Variants in WWTR1 observed in about 807,000 individuals in gnomAD.
WWTR1 encodes WW domain-containing transcription regulator protein 1.
Under a neutral mutation model 40.1 loss-of-function variants are expected in WWTR1, and 13 were observed. That is an observed-to-expected ratio of 0.32 (90% confidence interval 0.21 to 0.52). The LOEUF (loss-of-function observed/expected upper bound fraction) is 0.52. WWTR1 is among the 20% of genes least tolerant of loss of function. WWTR1 has a pLI of 0.97. For synonymous variants in WWTR1, 230 were observed against 210.1 expected (o/e 1.09, Z -0.82); for missense variants, 436 against 523.1 (o/e 0.83, Z 1.63).
chr3:149,656,899 G>A lies in WWTR1; in HGVS notation c.408C>T (p.Ala136=), dbSNP rs983567409. ...ACTTGAGGAAGTACCTCTGGCCAGT[G>A]GCCGTGAAGGTCATCTCCCAGCCCG... The part of the protein sequence containing the change: ...LPPGWEMTFT[A]TGQRYFLNHI... The change falls in exon 2 of 7, where the codon GCC becomes GCT. Residue 136 remains alanine (A), a synonymous_variant. Coordinates refer to ENST00000360632, the MANE Select transcript of WWTR1 (RefSeq NM_015472.6). 9 of 1,537,114 alleles carry A rather than the reference G, an allele frequency of 5.9e-6. No individual in the cohort carries two copies. The Admixed American group carries it at 1.4e-4, about 25-fold the overall frequency.
At chr3:149,537,127 G>T (rs1230427423) in intron 4 of WWTR1, among the ~76,000 whole-genome samples, 1 of 152,102 alleles carries the variant, frequency 6.6e-6, no homozygotes, top group Admixed American at 6.5e-5. Context: ...TGCCTTTTAG[G>T]ATACTGAGCA....
Position 149,544,562 on chromosome 3 carries a change from C to A in WWTR1, c.569-2025G>T, listed in dbSNP as rs74823408. 2.0e-4 allele frequency among the ~76,000 whole-genome samples: 31 copies of A among 152,184 alleles called. No homozygotes were observed. The East Asian group carries it at 5.0e-3, about 25-fold the overall frequency. ...AACCTGGGAGATTATCTAGTCCATC[C>A]CCTTATTTTATGGAATAGGGACTGT... is the stretch of plus-strand genomic sequence containing the variant. On this transcript the variant is annotated intron_variant, in intron 3 of 6. Coordinates refer to ENST00000360632, the MANE Select transcript of WWTR1 (RefSeq NM_015472.6).
intron 2 of WWTR1, among the ~76,000 whole-genome samples, chr3:149,641,366 T>C (rs1712159677): frequency 6.6e-6 from 1 of 152,168 alleles, no homozygotes; most frequent in Non-Finnish European, 1.5e-5. Context: ...TCGAGAACTC[T>C]TAAAACTTAA....
intron 2 of WWTR1, among the ~76,000 whole-genome samples, chr3:149,648,630 A>C (rs775151692): frequency 2.2e-4 from 34 of 152,290 alleles, no homozygotes; most frequent in Non-Finnish European, 4.6e-4. Flanking sequence ...GCAGGGAAAT[A>C]ATGTTCCAGG....
intron 3 of WWTR1, among the ~76,000 whole-genome samples, chr3:149,566,277 A>G (rs1334953262): frequency 6.6e-6 from 1 of 152,112 alleles, no homozygotes; most frequent in East Asian, 1.9e-4. Flanking sequence ...TCCTGTGCCC[A>G]CCAGTGTTCC....
intron 4 of WWTR1, 126 bp downstream of exon 4, chr3:149,542,209 G>A (rs1203578075): frequency 1.8e-6 from 2 of 1,090,618 alleles, no homozygotes; most frequent in Non-Finnish European, 2.6e-6. Context: ...GAGGCTTGGA[G>A]TAGGGCTTTG....
At chr3:149,558,566 C>T (rs924769716) in intron 3 of WWTR1, among the ~76,000 whole-genome samples, 2 of 152,224 alleles carry the variant, frequency 1.3e-5, no homozygotes, top group African/African-American at 4.8e-5. Flanking sequence ...ACACTACCTT[C>T]ATCAAGTGAT....
intron 2 of WWTR1, among the ~76,000 whole-genome samples, chr3:149,620,564 T>TCCC (rs58236998): frequency 0.013 from 1,950 of 148,564 alleles, 53 homozygotes; most frequent in African/African-American, 0.046. Context: ...CCTCCACCGC[T>TCCC]CCCCCCCACA....
At chr3:149,667,082 C>T (rs1028014653) in intron 2 of WWTR1, among the ~76,000 whole-genome samples, 2 of 152,066 alleles carry the variant, frequency 1.3e-5, no homozygotes, top group African/African-American at 2.4e-5. Context: ...TTCAATCAAA[C>T]CCTGATTATT....
At chr3:149,712,883 ATAT>A (rs1174214122) in intron 5 of WWTR1, among the ~76,000 whole-genome samples, 1 of 152,222 alleles carries the variant, frequency 6.6e-6, no homozygotes, top group Non-Finnish European at 1.5e-5. Context: ...CAAGATATAG[ATAT>A]TATTATTATG....
chr3:149,673,736 C>T (rs919900476), intron 1 of WWTR1, among the ~76,000 whole-genome samples: 1 of 152,194 alleles, frequency 6.6e-6, no homozygotes, highest in Non-Finnish European at 1.5e-5. Context: ...GGGTCTCTCT[C>T]TCCAGAGTTA....
chr3:149,566,716 C>T (rs565859312), intron 3 of WWTR1, among the ~76,000 whole-genome samples: 49 of 151,920 alleles, frequency 3.2e-4, no homozygotes, highest in African/African-American at 9.9e-4. Context: ...AATGCTAAGC[C>T]TCTTTGTATA....
chr3:149,588,346 T>A (rs766358499), intron 2 of WWTR1, among the ~76,000 whole-genome samples: 23 of 152,320 alleles, frequency 1.5e-4, no homozygotes, highest in South Asian at 4.1e-4. Context: ...AGTTCCTTAA[T>A]TCAGATTTCC....
intron 2 of WWTR1, among the ~76,000 whole-genome samples, chr3:149,649,501 A>G (rs1479887677): frequency 6.6e-6 from 1 of 152,234 alleles, no homozygotes; most frequent in Admixed American, 6.5e-5. Flanking sequence ...TCCTAATAGC[A>G]CTGAGCAAGT....
chr3:149,678,880 T>C (rs1045540091), intron 1 of WWTR1, among the ~76,000 whole-genome samples: 1 of 150,288 alleles, frequency 6.7e-6, no homozygotes, highest in Non-Finnish European at 1.5e-5. Context: ...TGGAGTGCAA[T>C]GGTGCAGTGG....
At chr3:149,600,309 C>A (rs1055969733) in intron 2 of WWTR1, among the ~76,000 whole-genome samples, 1 of 152,190 alleles carries the variant, frequency 6.6e-6, no homozygotes, top group Non-Finnish European at 1.5e-5. Flanking sequence ...AAGATTCTAC[C>A]TGTAACACAG....
At chr3:149,620,329 G>A (rs1740208603) in intron 2 of WWTR1, among the ~76,000 whole-genome samples, 1 of 152,120 alleles carries the variant, frequency 6.6e-6, no homozygotes, top group Non-Finnish European at 1.5e-5. Flanking sequence ...TATGAGACCT[G>A]AGGATCTAAC....
intron 2 of WWTR1, chr3:149,576,322 C>T: frequency 3.0e-6 from 1 of 328,420 alleles, no homozygotes; most frequent in South Asian, 2.6e-5. Flanking sequence ...CAGGCTCCAG[C>T]TCCCCCTACT....
At chr3:149,674,567 A>G (rs1714200230) in intron 1 of WWTR1, among the ~76,000 whole-genome samples, 1 of 152,032 alleles carries the variant, frequency 6.6e-6, no homozygotes, top group South Asian at 2.1e-4. Context: ...ATCTTGGGTG[A>G]CAGAGAGAGA....
Sources: gnomAD v4.1 joint callset for allele counts (sites outside exome capture counted in the v4.1 genomes callset) on GRCh38, gnomAD v4.1.1 for gene constraint, MANE v1.5 for transcripts, NCBI Gene and HGNC (gene_info 2026-07-23, HGNC 2026-07-21) for gene names.